SNRPB: variants seen among roughly 807,000 people sequenced by gnomAD.
The protein encoded by SNRPB is small nuclear ribonucleoprotein polypeptides B and B1.
Under a neutral mutation model 26.6 loss-of-function variants are expected in SNRPB, and 5 were observed. The ratio of observed to expected loss-of-function variants is 0.19; its 90% CI spans 0.10 to 0.39. The LOEUF (loss-of-function observed/expected upper bound fraction) is 0.39. SNRPB is among the 10% of genes least tolerant of loss of function. SNRPB has a pLI of 1.00. For synonymous variants in SNRPB, 122 were observed against 105.8 expected, an observed-to-expected ratio of 1.15 and a Z score of -0.94; for missense variants, 211 against 311.9, an observed-to-expected ratio of 0.68 and a Z score of 2.44.
rs1433047688 is a variant in SNRPB, at chr20:2,463,811, G to A, written c.356C>T (p.Pro119Leu). ...AAGRGIPAGVPMPQAPAGLAG... is the reference protein window; with the variant it reads ...AAGRGIPAGVLMPQAPAGLAG... ...AAGTCCTGCAGGAGCCTGGGGCATG[G>A]GAACCCCAGCTGGGATTCCTCTGCC... Residue 119 changes from proline to leucine, a missense_variant, in exon 4 of 7, where the codon CCC becomes CTC. Pro to Leu is a moderately conservative substitution (Grantham distance 98). Coordinates refer to ENST00000381342, the MANE Select transcript of SNRPB (RefSeq NM_003091.4). This position sits in a 1 kb window ranked among gnomAD's most constrained non-coding sequence, Gnocchi z 5.0. 3 of 1,613,264 alleles carry A rather than the reference G, an allele frequency of 1.9e-6. No homozygotes were observed. Among genetic ancestry groups the A allele is most frequent in the Non-Finnish European group, 2.5e-6 (3 of 1,179,646 alleles).
intron 3 of SNRPB, among the ~76,000 whole-genome samples, chr20:2,464,256 A>T (rs1285749380): frequency 6.6e-6 from 1 of 152,228 alleles, no homozygotes; most frequent in African/African-American, 2.4e-5. Context: ...CTAATCCGCT[A>T]GGTGACAATG....
At position 2,461,772 on chromosome 20, in the gene SNRPB, C is replaced by T. The variant is rs778892584; in HGVS notation, c.*157G>A. ...AAGATGAGTCTAGGGCCTTGGTGGGCGCATTCCCGGGGGAGGGGGCCCTGT... is the reference window on the plus strand; with the variant it reads ...AAGATGAGTCTAGGGCCTTGGTGGGTGCATTCCCGGGGGAGGGGGCCCTGT... On this transcript the variant is annotated 3_prime_UTR_variant, in exon 7 of 7. Coordinates refer to ENST00000381342, the MANE Select transcript of SNRPB (RefSeq NM_003091.4). The T allele has an allele frequency of 1.7e-5, 28 of 1,608,596 alleles. No individual in the cohort carries two copies. Among genetic ancestry groups the T allele is most frequent in the Middle Eastern group, 1.7e-4 (1 of 6,058 alleles).
chr20:2,467,028 A>G (rs913186802), intron 2 of SNRPB, among the ~76,000 whole-genome samples: 5 of 152,254 alleles, frequency 3.3e-5, no homozygotes, highest in African/African-American at 9.6e-5. Context: ...AAGCTAAATC[A>G]TATCTTTTAA....
chr20:2,462,021 A>T (rs751052981), intron 6 of SNRPB, 82 bp from the exon 7 acceptor site: 14 of 954,340 alleles, frequency 1.5e-5, no homozygotes, highest in Non-Finnish European at 2.3e-5. Context: ...CACGCCCTGC[A>T]GTAATCGAGT....
At chr20:2,464,281 C>T (rs1290256844) in intron 3 of SNRPB, among the ~76,000 whole-genome samples, 1 of 152,242 alleles carries the variant, frequency 6.6e-6, no homozygotes, top group Non-Finnish European at 1.5e-5. Flanking sequence ...AATAATCCCA[C>T]AATCCCGGGC....
Position 2,469,150 on chromosome 20 carries a change from T to C in SNRPB, c.4-1392A>G, listed in dbSNP as rs73571301. ...AGTACATCTCATTTAATCCCCAAAATTGGGCCCATTATTATCCCTATTTTA... is the reference window on the plus strand; with the variant it reads ...AGTACATCTCATTTAATCCCCAAAACTGGGCCCATTATTATCCCTATTTTA... On this transcript the variant is annotated intron_variant, in intron 1 of 6. Transcript: ENST00000381342. Among the ~76,000 whole-genome samples the C allele has an allele frequency of 9.9e-3, 1,507 of 152,186 alleles. 30 individuals carry two copies. The highest frequency in any genetic ancestry group is 0.035 in the African/African-American group (1,443 of 41,504).
In SNRPB at chr20:2,462,649, GGGA is replaced by G. The variant is rs1568462663; in HGVS notation, c.669_671del (p.Pro225del). ...GCAGGCACTTACCTCGCATCCCAGGGGGAGGAGGCCGCATTCCCGGAGGGGGCA... is the reference window on the plus strand; with the variant it reads ...GCAGGCACTTACCTCGCATCCCAGGGGGAGGCCGCATTCCCGGAGGGGGCA... On this transcript the variant is annotated inframe_deletion, in exon 6 of 7. Transcript: ENST00000381342. 1 of 1,613,016 alleles carries G rather than the reference GGGA, an allele frequency of 6.2e-7. No homozygotes were observed. Among genetic ancestry groups the G allele is most frequent in the Non-Finnish European group, 8.5e-7 (1 of 1,179,134 alleles).
At position 2,470,543 on chromosome 20, in the gene SNRPB, C is replaced by A; in HGVS notation, c.3+145G>T. On this transcript the variant is annotated intron_variant, in intron 1 of 6. Transcript: ENST00000381342. ...CTAGCCGAACCGCCAAGGTCCTGGT[C>A]TTTCCCGCCCAGACCGAGCGGCCTC... 9 of 967,960 alleles carry A rather than the reference C, an allele frequency of 9.3e-6. No individual in the cohort carries two copies. The South Asian group carries it at 1.1e-4, about 11-fold the overall frequency. 60.0% of individuals were successfully genotyped at this position (967,960 alleles called of 1,614,324 possible).
chr20:2,462,082 C>CATGGCATA, intron 6 of SNRPB, 143 bp from the exon 7 acceptor site: 1 of 619,324 alleles, frequency 1.6e-6, no homozygotes. Context: ...TACTCTGAGG[C>CATGGCATA]TGACTGGGTT....
At chr20:2,464,921 A>C (rs1270122157) in intron 3 of SNRPB, among the ~76,000 whole-genome samples, 1 of 151,820 alleles carries the variant, frequency 6.6e-6, no homozygotes, top group African/African-American at 2.4e-5. Context: ...AGGGAAAGGG[A>C]AAACAAATTT....
chr20:2,468,256 C>A (rs984558396), intron 1 of SNRPB, among the ~76,000 whole-genome samples: 1 of 152,142 alleles, frequency 6.6e-6, no homozygotes, highest in Non-Finnish European at 1.5e-5. Context: ...AAATGAAATC[C>A]ACATATCAAG....
intron 1 of SNRPB, among the ~76,000 whole-genome samples, chr20:2,468,200 TCAA>T (rs1336528670): frequency 1.2e-4 from 19 of 152,144 alleles, no homozygotes; most frequent in Admixed American, 1.2e-3. Flanking sequence ...AAAAATCTAA[TCAA>T]CAAGAAGCTT....
intron 1 of SNRPB, among the ~76,000 whole-genome samples, chr20:2,468,533 T>C (rs1403321231): frequency 6.6e-6 from 1 of 152,242 alleles, no homozygotes; most frequent in African/African-American, 2.4e-5. Context: ...CTGACTGCTA[T>C]ACCCAAGTCC....
intron 1 of SNRPB, among the ~76,000 whole-genome samples, chr20:2,469,441 C>T (rs1225410862): frequency 6.6e-6 from 1 of 152,158 alleles, no homozygotes; most frequent in Non-Finnish European, 1.5e-5. Flanking sequence ...GCTGTAATCC[C>T]AGCACTTTGG....
chr20:2,463,134 G>A lies in SNRPB; in HGVS notation c.514C>T (p.Arg172Cys), dbSNP rs113467048. Residue 172 changes from arginine to cysteine, a missense_variant, in exon 5 of 7, where the codon CGT (arginine) becomes TGT (cysteine). Coordinates refer to ENST00000381342, the MANE Select transcript of SNRPB (RefSeq NM_003091.4). The surrounding 1 kb of genome is among the most constrained non-coding windows in gnomAD (Gnocchi z 5.0). ...AGAPTQYPPGRGGPPPPMGRG... is the reference protein window; with the variant it reads ...AGAPTQYPPGCGGPPPPMGRG... ...CCCATAGGTGGGGGAGGACCCCCAC[G>A]GCCAGGTGGGTACTGGGTTGGAGCC... is the stretch of plus-strand genomic sequence containing the variant. 6.8e-6 allele frequency: 11 copies of A among 1,607,226 alleles called. No individual in the cohort carries two copies. The highest frequency in any genetic ancestry group is 1.1e-5 in the South Asian group (1 of 90,448).
Position 2,463,611 on chromosome 20 carries a change from T to C in SNRPB, c.420+136A>G, listed in dbSNP as rs560906824. On this transcript the variant is annotated intron_variant, in intron 4 of 6. Transcript: ENST00000381342. This position sits in a 1 kb window ranked among gnomAD's most constrained non-coding sequence, Gnocchi z 5.0. Reference sequence around the variant, plus strand: ...TCCTTTTCACTTGCTTCTAGGGCCATGTATAAACCACAGTGAAACACTGAT... The same window carrying C: ...TCCTTTTCACTTGCTTCTAGGGCCACGTATAAACCACAGTGAAACACTGAT... 6.6e-5 allele frequency: 46 copies of C among 696,558 alleles called. No homozygotes were observed. Among genetic ancestry groups the C allele is most frequent in the Non-Finnish European group, 1.1e-4 (45 of 399,696 alleles). 43.1% of individuals were successfully genotyped at this position (696,558 alleles called of 1,614,324 possible).
intron 1 of SNRPB, 73 bp downstream of exon 1, chr20:2,470,615 C>G (rs2085107745): frequency 6.3e-7 from 1 of 1,599,308 alleles, no homozygotes; most frequent in Non-Finnish European, 8.6e-7. Context: ...ACGGCTTCCT[C>G]CCCGATCAGT....
intron 2 of SNRPB, among the ~76,000 whole-genome samples, chr20:2,466,527 A>G (rs1243357827): frequency 2.0e-5 from 3 of 152,188 alleles, no homozygotes; most frequent in Non-Finnish European, 4.4e-5. Flanking sequence ...AGCCTGATTT[A>G]AAAAAAGAAC....
chr20:2,462,421 T>C (rs1318303500), intron 6 of SNRPB, among the ~76,000 whole-genome samples: 2 of 152,222 alleles, frequency 1.3e-5, no homozygotes, highest in Non-Finnish European at 2.9e-5. Context: ...GCCTTAGATA[T>C]TGAGAAACAC....
Sources: allele counts gnomAD v4.1 joint callset (sites outside exome capture counted in the v4.1 genomes callset), GRCh38; gene constraint gnomAD v4.1.1; non-coding constraint Gnocchi (gnomAD v3.1); transcripts MANE v1.5; gene names NCBI Gene and HGNC (gene_info 2026-07-23, HGNC 2026-07-21).